Variants in AGBL4 observed in about 807,000 individuals in gnomAD.
The protein encoded by AGBL4 is cytosolic carboxypeptidase 6.
In AGBL4, 58 loss-of-function variants were observed where a neutral mutation model predicts 66.4. That is an observed-to-expected ratio of 0.87 (90% confidence interval 0.71 to 1.09). The LOEUF (loss-of-function observed/expected upper bound fraction) is 1.09, where lower values mean the gene tolerates loss of function less well. AGBL4 is among the 50% of genes least tolerant of loss of function. The probability of loss-of-function intolerance (pLI) is 0.00; values close to 1 mark genes in which losing one functional copy is unlikely to be tolerated. For missense variants in AGBL4, 579 were observed against 631.0 expected, an observed-to-expected ratio of 0.92 and a Z score of 0.88; for synonymous variants, 234 against 222.9, an observed-to-expected ratio of 1.05 and a Z score of -0.44.
intron 3 of AGBL4, among the ~76,000 whole-genome samples, chr1:49,524,995 G>A (rs1650547836): frequency 6.6e-6 from 1 of 152,016 alleles, no homozygotes; most frequent in African/African-American, 2.4e-5. Flanking sequence ...ATTTACGACT[G>A]CATTATCTTG....
At chr1:48,955,272 AT>A (rs1340275859) in intron 5 of AGBL4, among the ~76,000 whole-genome samples, 3 of 152,322 alleles carry the variant, frequency 2.0e-5, no homozygotes, top group African/African-American at 4.8e-5. Context: ...CAGTTATAAT[AT>A]TTTTGATAAG....
rs145415229 is a variant in AGBL4, at chr1:49,858,913, G to C, written c.35-7395C>G. 8.0e-3 allele frequency among the ~76,000 whole-genome samples: 1,219 copies of C among 152,130 alleles called. 47 individuals are homozygous for C. Among genetic ancestry groups the C allele is most frequent in the Admixed American group, 0.059 (900 of 15,280 alleles). On this transcript the variant is annotated intron_variant, in intron 1 of 13. Coordinates refer to ENST00000371839, the MANE Select transcript of AGBL4 (RefSeq NM_032785.4). ...TGCCTATAATCCCAGCTACTTGGGA[G>C]GATGAAGCACAAGAATCACTTGAAT... is the stretch of plus-strand genomic sequence containing the variant.
Position 49,813,358 on chromosome 1 carries a change from C to G in AGBL4, c.157+38038G>C, listed in dbSNP as rs1157455002. Among the ~76,000 whole-genome samples, 3 of 152,116 alleles carry G rather than the reference C, an allele frequency of 2.0e-5. No individual in the cohort carries two copies. In the South Asian group the frequency reaches 6.2e-4, roughly 32 times the overall value. On this transcript the variant is annotated intron_variant, in intron 2 of 13. Transcript: ENST00000371839. ...AAGTAGCCCTTGCTTAAGACACTCT[C>G]CTGCTATAAACTCTGAAATATTGTC...
intron 4 of AGBL4, among the ~76,000 whole-genome samples, chr1:49,157,650 T>A (rs1646460253): frequency 1.3e-5 from 2 of 152,150 alleles, no homozygotes; most frequent in Non-Finnish European, 2.9e-5. Flanking sequence ...CTTGAGAAAT[T>A]GCCACACTGT....
At chr1:48,897,122 C>T (rs936826558) in intron 5 of AGBL4, among the ~76,000 whole-genome samples, 1 of 151,726 alleles carries the variant, frequency 6.6e-6, no homozygotes, top group African/African-American at 2.4e-5. Flanking sequence ...TATCCTTTTT[C>T]CCCCTTCATC....
At chr1:49,369,279 G>A (rs1216618641) in intron 3 of AGBL4, among the ~76,000 whole-genome samples, 1 of 152,066 alleles carries the variant, frequency 6.6e-6, no homozygotes, top group African/African-American at 2.4e-5. Context: ...TCATCAAGAG[G>A]TCAGCTTTTA....
At chr1:49,310,518 C>G (rs567361556) in intron 3 of AGBL4, among the ~76,000 whole-genome samples, 5 of 152,050 alleles carry the variant, frequency 3.3e-5, no homozygotes, top group Non-Finnish European at 1.5e-5. Context: ...ATACCTTGCT[C>G]TAACTGATCA....
chr1:49,147,565 C>T (rs1353315994), intron 4 of AGBL4, among the ~76,000 whole-genome samples: 1 of 152,126 alleles, frequency 6.6e-6, no homozygotes, highest in Non-Finnish European at 1.5e-5. Context: ...TCTGAATTTC[C>T]ACATACCTCG....
intron 9 of AGBL4, among the ~76,000 whole-genome samples, chr1:48,604,192 G>A (rs908413067): frequency 1.3e-5 from 2 of 152,080 alleles, no homozygotes; most frequent in Admixed American, 6.6e-5. Context: ...GGGAGGATGT[G>A]AAGAAGCATC....
At chr1:49,108,897 G>A (rs1569590594) in intron 4 of AGBL4, among the ~76,000 whole-genome samples, 1 of 152,076 alleles carries the variant, frequency 6.6e-6, no homozygotes, top group Non-Finnish European at 1.5e-5. Context: ...CTGCAGACAG[G>A]AGAACGCCCT....
In AGBL4 at chr1:48,705,875, G is replaced by T. The variant is rs144942577; in HGVS notation, c.635-42634C>A. ...AAGATTGAACAGTGATGAACCTATTGCACCCAACAAAACATTCCAATTTAA... is the reference window on the plus strand; with the variant it reads ...AAGATTGAACAGTGATGAACCTATTTCACCCAACAAAACATTCCAATTTAA... On this transcript the variant is annotated intron_variant, in intron 6 of 13. Coordinates refer to ENST00000371839, the MANE Select transcript of AGBL4 (RefSeq NM_032785.4). Among the ~76,000 whole-genome samples the T allele has an allele frequency of 1.9e-3, 289 of 152,180 alleles. 1 individual carries two copies. Among genetic ancestry groups the T allele is most frequent in the Middle Eastern group, 3.4e-3 (1 of 292 alleles).
chr1:48,691,736 A>G (rs1646636508), intron 6 of AGBL4, among the ~76,000 whole-genome samples: 1 of 152,162 alleles, frequency 6.6e-6, no homozygotes, highest in African/African-American at 2.4e-5. Flanking sequence ...ATAGACCCAG[A>G]GCAGAAGACA....
intron 1 of AGBL4, among the ~76,000 whole-genome samples, chr1:49,950,080 A>T (rs1328543805): frequency 7.1e-6 from 1 of 140,884 alleles, no homozygotes; most frequent in African/African-American, 2.6e-5. Flanking sequence ...ATATACACAT[A>T]TGTGTATATA....
intron 11 of AGBL4, among the ~76,000 whole-genome samples, chr1:48,570,755 C>T (rs554051436): frequency 2.0e-5 from 3 of 152,306 alleles, no homozygotes; most frequent in East Asian, 1.9e-4. Flanking sequence ...GACATCCACT[C>T]GCACATACTA....
At chr1:48,753,302 T>TA (rs571300450) in intron 6 of AGBL4, among the ~76,000 whole-genome samples, 66 of 152,302 alleles carry the variant, frequency 4.3e-4, no homozygotes, top group African/African-American at 1.6e-3. Flanking sequence ...TGAGAAGGGT[T>TA]AAACAAATGT....
intron 1 of AGBL4, among the ~76,000 whole-genome samples, chr1:50,017,658 C>T (rs892759949): frequency 2.0e-5 from 3 of 152,126 alleles, no homozygotes; most frequent in Non-Finnish European, 4.4e-5. Context: ...CGCATGTTCT[C>T]ACTTATAAGT....
chr1:48,636,946 C>T (rs1645676972), intron 8 of AGBL4, among the ~76,000 whole-genome samples: 3 of 152,164 alleles, frequency 2.0e-5, no homozygotes, highest in South Asian at 4.1e-4. Flanking sequence ...CAATTCATCA[C>T]GGTTTTATTA....
At chr1:49,632,244 G>A (rs899553092) in intron 3 of AGBL4, among the ~76,000 whole-genome samples, 4 of 152,080 alleles carry the variant, frequency 2.6e-5, no homozygotes, top group Admixed American at 6.5e-5. Context: ...ATAAAAACAT[G>A]GAAACCCTTT....
At chr1:48,990,301 A>T (rs1434539167) in intron 5 of AGBL4, among the ~76,000 whole-genome samples, 1 of 152,004 alleles carries the variant, frequency 6.6e-6, no homozygotes, top group East Asian at 1.9e-4. Context: ...TGGTCAGATG[A>T]ATGGTTTGCA....
Sources: gnomAD v4.1 joint callset for allele counts (sites outside exome capture counted in the v4.1 genomes callset) on GRCh38, gnomAD v4.1.1 for gene constraint, MANE v1.5 for transcripts, NCBI Gene and HGNC (gene_info 2026-07-23, HGNC 2026-07-21) for gene names.